C11orf65: variants seen among roughly 807,000 people sequenced by gnomAD.
C11orf65 encodes the protein chromosome 11 open reading frame 65, also known as protein MFI.
C11orf65 carries 38 observed loss-of-function variants against 35.3 expected under a neutral mutation model. The ratio of observed to expected loss-of-function variants is 1.08; its 90% CI spans 0.83 to 1.41. The LOEUF is 1.41. C11orf65 is among the 40% of genes most tolerant of loss of function. The pLI is 0.00. For missense variants in C11orf65, 370 were observed against 367.1 expected, an observed-to-expected ratio of 1.01 and a Z score of -0.06; for synonymous variants, 105 against 114.4, an observed-to-expected ratio of 0.92 and a Z score of 0.53.
chr11:108,346,277 C>A (rs1390512951), intron 2 of C11orf65, among the ~76,000 whole-genome samples: 3 of 151,820 alleles, frequency 2.0e-5, no homozygotes, highest in Non-Finnish European at 2.9e-5. Context: ...TATTTTTGTT[C>A]TTTTGCATAT....
chr11:108,348,883 CAT>C (rs1225470373), intron 2 of C11orf65, among the ~76,000 whole-genome samples: 2 of 152,108 alleles, frequency 1.3e-5, no homozygotes, highest in African/African-American at 4.8e-5. Context: ...GAATATGAAA[CAT>C]ATGATTTAAT....
chr11:108,314,631 G>A (rs889925535), intron 6 of C11orf65, among the ~76,000 whole-genome samples: 1 of 151,908 alleles, frequency 6.6e-6, no homozygotes. Flanking sequence ...AACAGTGTAA[G>A]GGTTAGAGGT....
chr11:108,435,904 G>A (rs2093052928), intron 2 of C11orf65, among the ~76,000 whole-genome samples: 1 of 152,098 alleles, frequency 6.6e-6, no homozygotes, highest in Non-Finnish European at 1.5e-5. Context: ...CATGGAGAGG[G>A]TGAATTAGGA....
intron 1 of C11orf65, among the ~76,000 whole-genome samples, chr11:108,465,337 A>T (rs966157499): frequency 4.6e-5 from 7 of 152,228 alleles, no homozygotes. Context: ...TGCCACCATT[A>T]TATGTTTATG....
chr11:108,357,186 C>G (rs921555295), intron 2 of C11orf65, among the ~76,000 whole-genome samples: 1 of 152,192 alleles, frequency 6.6e-6, no homozygotes, highest in Non-Finnish European at 1.5e-5. Flanking sequence ...GGGTGACAGA[C>G]GGCACCTGGA....
chr11:108,433,154 G>C (rs1193932155), intron 2 of C11orf65, among the ~76,000 whole-genome samples: 3 of 151,840 alleles, frequency 2.0e-5, no homozygotes, highest in Non-Finnish European at 4.4e-5. Flanking sequence ...ATAGTATGGA[G>C]GTTTTAAAGT....
At chr11:108,320,269 C>T (rs990208654) in intron 6 of C11orf65, among the ~76,000 whole-genome samples, 1 of 152,150 alleles carries the variant, frequency 6.6e-6, no homozygotes, top group African/African-American at 2.4e-5. Flanking sequence ...CCTGACCCTT[C>T]AAGAAAGTTT....
intron 2 of C11orf65, among the ~76,000 whole-genome samples, chr11:108,348,830 C>G (rs1347242738): frequency 1.3e-5 from 2 of 152,154 alleles, no homozygotes; most frequent in Non-Finnish European, 2.9e-5. Flanking sequence ...GGAGAATTCT[C>G]TTCTGCATAA....
chr11:108,461,199 C>T (rs1240816485), intron 2 of C11orf65, among the ~76,000 whole-genome samples: 2 of 152,020 alleles, frequency 1.3e-5, no homozygotes, highest in Non-Finnish European at 2.9e-5. Context: ...GTCAGGAGTT[C>T]GGGACCAGCC....
rs545096604 is a variant in C11orf65, at chr11:108,449,321, T to G, written c.81+12158A>C. On this transcript the variant is annotated intron_variant, in intron 2 of 8. Coordinates refer to ENST00000393084, the MANE Select transcript of C11orf65 (RefSeq NM_152587.5). Reference sequence around the variant, plus strand: ...TATGGAACCAAAAAAAGAGCCCACATAGCCAAGTGAATCCTAAGCCAAAAG... The same window carrying G: ...TATGGAACCAAAAAAAGAGCCCACAGAGCCAAGTGAATCCTAAGCCAAAAG... 2.6e-3 allele frequency among the ~76,000 whole-genome samples: 402 copies of G among 152,026 alleles called. 1 individual carries two copies. Among genetic ancestry groups the G allele is most frequent in the Non-Finnish European group, 4.6e-3 (316 of 68,016 alleles).
intron 2 of C11orf65, among the ~76,000 whole-genome samples, chr11:108,453,500 AAG>A (rs1463262235): frequency 1.3e-5 from 2 of 152,234 alleles, no homozygotes; most frequent in Non-Finnish European, 2.9e-5. Context: ...TTTTGTTTAC[AAG>A]AGACACAATT....
At chr11:108,403,739 T>C (rs1305416625) in intron 6 of C11orf65, among the ~76,000 whole-genome samples, 6 of 152,250 alleles carry the variant, frequency 3.9e-5, no homozygotes, top group African/African-American at 1.2e-4. Context: ...ATCCAATTTG[T>C]TGAAAAGACT....
upstream of C11orf65, among the ~76,000 whole-genome samples, chr11:108,467,991 C>G (rs1229297881): frequency 6.6e-6 from 1 of 151,790 alleles, no homozygotes; most frequent in Non-Finnish European, 1.5e-5. Flanking sequence ...ACGCCAGGCT[C>G]ATTTTTCTAT....
At chr11:108,394,457 T>TTA (rs1270342540) in intron 6 of C11orf65, among the ~76,000 whole-genome samples, 2 of 152,182 alleles carry the variant, frequency 1.3e-5, no homozygotes, top group Admixed American at 1.3e-4. Context: ...CAGTAAATAC[T>TTA]TATGAGAGCC....
At position 108,405,492 on chromosome 11, in the gene C11orf65, A is replaced by G. The variant is rs1385203173; in HGVS notation, c.497T>C (p.Leu166Pro). ...CTTTTCCAAATCTTGCCTTCTCTTCAGTTTAGAGAAATGGAATTCACTTTC... is the reference window on the plus strand; with the variant it reads ...CTTTTCCAAATCTTGCCTTCTCTTCGGTTTAGAGAAATGGAATTCACTTTC... Reference protein sequence around the residue: ...KKESEFHFSKLKRRQDLEKKR... With the variant: ...KKESEFHFSKPKRRQDLEKKR... Residue 166 changes from leucine (L) to proline (P), a missense_variant, in exon 6 of 9, where the codon CTG (leucine) becomes CCG (proline). Coordinates refer to ENST00000393084, the MANE Select transcript of C11orf65 (RefSeq NM_152587.5). 1 of 1,613,376 alleles carries G rather than the reference A, an allele frequency of 6.2e-7. No homozygotes were observed. Among genetic ancestry groups the G allele is most frequent in the Non-Finnish European group, 8.5e-7 (1 of 1,179,768 alleles).
At chr11:108,373,044 A>G (rs1591408227) in intron 2 of C11orf65, among the ~76,000 whole-genome samples, 1 of 152,026 alleles carries the variant, frequency 6.6e-6, no homozygotes. Flanking sequence ...GTGCCACTGC[A>G]CTCCAGCCTC....
chr11:108,311,428 G>C (rs1387777118), intron 6 of C11orf65, among the ~76,000 whole-genome samples: 3 of 152,166 alleles, frequency 2.0e-5, no homozygotes, highest in African/African-American at 7.2e-5. Flanking sequence ...GGGCACAGTG[G>C]CTCACGCATG....
intron 6 of C11orf65, among the ~76,000 whole-genome samples, chr11:108,401,348 C>T (rs949156859): frequency 6.6e-6 from 1 of 151,928 alleles, no homozygotes; most frequent in Non-Finnish European, 1.5e-5. Flanking sequence ...AACAAAAACT[C>T]AGCTGTACGT....
chr11:108,331,438 T>C lies in C11orf65; in HGVS notation c.*112A>G, dbSNP rs1057521003. 3 of 1,612,328 alleles carry C rather than the reference T, an allele frequency of 1.9e-6. No homozygotes were observed. The highest frequency in any genetic ancestry group is 2.2e-5 in the East Asian group (1 of 44,720). On this transcript the variant is annotated 3_prime_UTR_variant, in exon 4 of 4. Coordinates refer to the C11orf65 transcript ENST00000524755. Reference sequence around the variant, plus strand: ...TCTTAATTTTGTGTCTTTTTTTTAATGGTAGAGAGACGGAATGAAGATTCC... The same window carrying C: ...TCTTAATTTTGTGTCTTTTTTTTAACGGTAGAGAGACGGAATGAAGATTCC...
Sources: gnomAD v4.1 joint callset for allele counts (sites outside exome capture counted in the v4.1 genomes callset) on GRCh38, gnomAD v4.1.1 for gene constraint, MANE v1.5 for transcripts, NCBI Gene and HGNC (gene_info 2026-07-23, HGNC 2026-07-21) for gene names.